Variants in MCPH1 observed in about 807,000 individuals in gnomAD.
MCPH1 encodes the protein microcephalin 1.
A neutral mutation model predicts 84.5 loss-of-function variants in MCPH1; 104 were observed. The ratio of observed to expected loss-of-function variants is 1.23; its 90% confidence interval spans 1.05 to 1.45. The LOEUF (loss-of-function observed/expected upper bound fraction) is 1.45, where lower values mean the gene tolerates loss of function less well. Ranked by LOEUF, MCPH1 falls within the 40% of genes most tolerant of loss-of-function variation. The probability of loss-of-function intolerance (pLI) is 0.00; values close to 1 mark genes in which losing one functional copy is unlikely to be tolerated. For synonymous variants in MCPH1, 514 were observed against 366.8 expected, an observed-to-expected ratio of 1.40 and a Z score of -4.58; for missense variants, 1,498 against 1,005.7, an observed-to-expected ratio of 1.49 and a Z score of -6.62.
At chr8:6,458,726 C>A (rs1369372202) in intron 9 of MCPH1, among the ~76,000 whole-genome samples, 1 of 152,040 alleles carries the variant, frequency 6.6e-6, no homozygotes, top group South Asian at 2.1e-4. Context: ...CTCACTGCAA[C>A]CTCCGCCTCC....
At chr8:6,551,000 C>A (rs1016788065) in intron 12 of MCPH1, among the ~76,000 whole-genome samples, 1 of 152,168 alleles carries the variant, frequency 6.6e-6, no homozygotes, top group African/African-American at 2.4e-5. Context: ...CTACAAGAAC[C>A]CTGTAGACTT....
At chr8:6,481,807 A>G (rs1563268577) in intron 11 of MCPH1, among the ~76,000 whole-genome samples, 1 of 152,308 alleles carries the variant, frequency 6.6e-6, no homozygotes, top group Admixed American at 6.5e-5. Flanking sequence ...CTGATTATAT[A>G]TTAGTACTGC....
chr8:6,528,855 A>C (rs1299955601), intron 12 of MCPH1, among the ~76,000 whole-genome samples: 3 of 152,232 alleles, frequency 2.0e-5, no homozygotes, highest in African/African-American at 7.2e-5. Flanking sequence ...GGATGGTCTT[A>C]TCCTTAGAGC....
At chr8:6,522,144 G>A (rs2515446) in intron 12 of MCPH1, among the ~76,000 whole-genome samples, 65,457 of 151,706 alleles carry the variant, frequency 0.43, 14,324 homozygotes, top group Middle Eastern at 0.51. Context: ...TCACGAGGTC[G>A]GGAGATTGAG....
In MCPH1 at chr8:6,625,749, A is replaced by G. The variant is rs545469703; in HGVS notation, c.2452+4058A>G. On this transcript the variant is annotated intron_variant, in intron 13 of 13. Coordinates refer to ENST00000344683, the MANE Select transcript of MCPH1 (RefSeq NM_024596.5). ...CGGTGAGCAACGATCCCACCACTGTACTCCAGCCTAGGCAACAGAGCAAGA... is the reference window on the plus strand; with the variant it reads ...CGGTGAGCAACGATCCCACCACTGTGCTCCAGCCTAGGCAACAGAGCAAGA... 4.2e-5 allele frequency: 41 copies of G among 977,076 alleles called. No homozygotes were observed. In the Admixed American group the frequency reaches 9.2e-4, roughly 22 times the overall value. The allele number at this position is 977,076 out of a possible 1,614,324, so 60.5% of individuals were successfully genotyped here. A position where few individuals can be genotyped will look rare whatever the true frequency, so the allele number is the denominator to read the frequency against.
intron 8 of MCPH1, among the ~76,000 whole-genome samples, chr8:6,450,814 C>T (rs1805001715): frequency 6.6e-6 from 1 of 152,078 alleles, no homozygotes; most frequent in Non-Finnish European, 1.5e-5. Context: ...ATGATCGCAG[C>T]TCAATGCAGC....
intron 1 of MCPH1, among the ~76,000 whole-genome samples, chr8:6,407,448 G>T (rs1433154017): frequency 1.3e-5 from 2 of 152,080 alleles, no homozygotes; most frequent in African/African-American, 4.8e-5. Flanking sequence ...CGGAGCTGCT[G>T]TCCTAACCAG....
intron 9 of MCPH1, among the ~76,000 whole-genome samples, chr8:6,468,545 G>A (rs779981927): frequency 3.9e-5 from 6 of 152,252 alleles, no homozygotes; most frequent in African/African-American, 1.2e-4. Flanking sequence ...GTTAGATACC[G>A]AGTTTGCTAG....
At chr8:6,557,949 A>G (rs901535436) in intron 12 of MCPH1, among the ~76,000 whole-genome samples, 3 of 152,086 alleles carry the variant, frequency 2.0e-5, no homozygotes. Flanking sequence ...CCCTGTCAAA[A>G]CAGTTGTGCC....
chr8:6,583,249 T>A (rs1563154951), intron 12 of MCPH1, among the ~76,000 whole-genome samples: 1 of 152,236 alleles, frequency 6.6e-6, no homozygotes, highest in Non-Finnish European at 1.5e-5. Context: ...ATGCTTGATT[T>A]TTTTTTATTT....
At chr8:6,590,442 G>T (rs1211575617) in intron 12 of MCPH1, among the ~76,000 whole-genome samples, 1 of 133,888 alleles carries the variant, frequency 7.5e-6, no homozygotes, top group Non-Finnish European at 1.6e-5. Context: ...AGGCCCTGCA[G>T]GCCCTGGGTG....
At chr8:6,421,053 C>T (rs1800123079) in intron 3 of MCPH1, among the ~76,000 whole-genome samples, 1 of 152,194 alleles carries the variant, frequency 6.6e-6, no homozygotes. Context: ...CGCAGTTCTT[C>T]CCTTAGGGTG....
intron 12 of MCPH1, chr8:6,509,038 C>G: frequency 1.2e-6 from 2 of 1,614,086 alleles, no homozygotes; most frequent in Non-Finnish European, 8.5e-7. Context: ...TGCCGGCTGT[C>G]CCTGTAAGTC....
chr8:6,476,742 C>A (rs1351023199), intron 9 of MCPH1, among the ~76,000 whole-genome samples: 1 of 152,150 alleles, frequency 6.6e-6, no homozygotes, highest in Admixed American at 6.5e-5. Context: ...ATTTACTTCA[C>A]CTTGACTTTT....
chr8:6,602,282 C>T (rs73511025), intron 12 of MCPH1, among the ~76,000 whole-genome samples: 5,856 of 152,228 alleles, frequency 0.038, 380 homozygotes, highest in African/African-American at 0.13. Context: ...TTGTCTGGCA[C>T]GGGCTGGAGC....
intron 3 of MCPH1, among the ~76,000 whole-genome samples, chr8:6,417,733 C>A (rs535920425): frequency 6.6e-6 from 1 of 152,088 alleles, no homozygotes; most frequent in Non-Finnish European, 1.5e-5. Context: ...TCTATTACCT[C>A]GATGAGTGTA....
intron 12 of MCPH1, among the ~76,000 whole-genome samples, chr8:6,555,377 C>T (rs1454207108): frequency 1.3e-5 from 2 of 152,112 alleles, no homozygotes; most frequent in Non-Finnish European, 2.9e-5. Context: ...CAGAACAGGG[C>T]TGTAACTAGA....
At position 6,645,144 on chromosome 8, in the gene MCPH1, C is replaced by T. The variant is rs1280487114; in HGVS notation, c.*2095C>T. ...CTGGAGACAAGCCACAGAGAACTTC[C>T]ATCCCCCACCACATCAGCCACGGAG... On this transcript the variant is annotated 3_prime_UTR_variant, in exon 14 of 14. Transcript: ENST00000344683. The T allele has an allele frequency of 1.3e-5, 2 of 152,346 alleles. No homozygotes were observed. The highest frequency in any genetic ancestry group is 4.8e-5 in the African/African-American group (2 of 41,432). The allele number at this position is 152,346 out of a possible 1,614,324, so 9.4% of individuals were successfully genotyped here.
intron 3 of MCPH1, among the ~76,000 whole-genome samples, chr8:6,417,247 A>G (rs1799441272): frequency 6.6e-6 from 1 of 152,154 alleles, no homozygotes; most frequent in African/African-American, 2.4e-5. Flanking sequence ...TTAGCTGTAT[A>G]CCAGGGATTG....
Sources: gnomAD v4.1 joint callset for allele counts (sites outside exome capture counted in the v4.1 genomes callset) on GRCh38, gnomAD v4.1.1 for gene constraint, MANE v1.5 for transcripts, NCBI Gene and HGNC (gene_info 2026-07-23, HGNC 2026-07-21) for gene names.